CNTN6: variants seen among roughly 807,000 people sequenced by gnomAD.
CNTN6 encodes the protein contactin 6.
In CNTN6, 137 loss-of-function variants were observed where a neutral mutation model predicts 122.8. That is an observed-to-expected ratio of 1.12 (90% confidence interval 0.97 to 1.29). CNTN6 has a LOEUF of 1.29. Among genes scored for constraint, CNTN6 ranks in the 50% most tolerant of loss-of-function variants. The probability of loss-of-function intolerance (pLI) is 0.00; values close to 1 mark genes in which losing one functional copy is unlikely to be tolerated. For missense variants in CNTN6, 1,634 were observed against 1,223.4 expected (o/e 1.34, Z -5.01); for synonymous variants, 570 against 426.0 (o/e 1.34, Z -4.16).
At chr3:1,308,369 G>A (rs916968655) in intron 7 of CNTN6, among the ~76,000 whole-genome samples, 2 of 149,456 alleles carry the variant, frequency 1.3e-5, no homozygotes, top group Non-Finnish European at 3.0e-5. Flanking sequence ...GATGTTCCAG[G>A]TTCATCTTGT....
intron 1 of CNTN6, among the ~76,000 whole-genome samples, chr3:1,100,682 T>C (rs1170939459): frequency 6.6e-6 from 1 of 152,166 alleles, no homozygotes; most frequent in Non-Finnish European, 1.5e-5. Flanking sequence ...TTTCTAGTGT[T>C]GCAGTCAGTG....
intron 4 of CNTN6, among the ~76,000 whole-genome samples, chr3:1,276,009 TA>T (rs1487471895): frequency 6.6e-6 from 1 of 152,212 alleles, no homozygotes; most frequent in Non-Finnish European, 1.5e-5. Flanking sequence ...TGAATTCCTC[TA>T]AACAATACCA....
intron 7 of CNTN6, among the ~76,000 whole-genome samples, chr3:1,308,144 A>G (rs1418866364): frequency 2.0e-5 from 3 of 152,096 alleles, no homozygotes; most frequent in African/African-American, 4.8e-5. Context: ...ACTGACTCAC[A>G]TATAATTATT....
At chr3:1,401,207 G>A (rs946645000) in intron 20 of CNTN6, 1 of 445,680 alleles carries the variant, frequency 2.2e-6, no homozygotes, top group South Asian at 2.6e-5. Context: ...CATGCAGCAA[G>A]CCATTATTAA....
At chr3:1,102,968 G>A (rs552377304) in intron 1 of CNTN6, among the ~76,000 whole-genome samples, 155 of 148,790 alleles carry the variant, frequency 1.0e-3, no homozygotes, top group African/African-American at 3.6e-3. Flanking sequence ...TTAGCCGGGC[G>A]TGGTGGCGGC....
intron 2 of CNTN6, among the ~76,000 whole-genome samples, chr3:1,212,405 T>G (rs575759489): frequency 6.6e-6 from 1 of 151,882 alleles, no homozygotes; most frequent in East Asian, 1.9e-4. Flanking sequence ...TTATAATCAT[T>G]GGTGATTACA....
chr3:1,184,617 A>G (rs1282603246), intron 2 of CNTN6, among the ~76,000 whole-genome samples: 2 of 152,190 alleles, frequency 1.3e-5, no homozygotes, highest in African/African-American at 4.8e-5. Flanking sequence ...AACAAACTGA[A>G]GCCCAAATTT....
intron 3 of CNTN6, among the ~76,000 whole-genome samples, chr3:1,222,462 A>C (rs2094220226): frequency 6.6e-6 from 1 of 152,158 alleles, no homozygotes; most frequent in Non-Finnish European, 1.5e-5. Context: ...AGACAGACAC[A>C]TAAATACATA....
intron 1 of CNTN6, among the ~76,000 whole-genome samples, chr3:1,121,916 G>A (rs993866525): frequency 1.3e-5 from 2 of 151,884 alleles, no homozygotes; most frequent in East Asian, 1.9e-4. Context: ...AAGTGCTTGA[G>A]AATAAAGAAG....
intron 7 of CNTN6, among the ~76,000 whole-genome samples, chr3:1,312,231 T>C (rs921428146): frequency 6.6e-6 from 1 of 151,880 alleles, no homozygotes; most frequent in African/African-American, 2.4e-5. Flanking sequence ...TTTTGAAAAT[T>C]TTTTTTTCAA....
Position 1,192,155 on chromosome 3 carries a change from G to C in CNTN6, c.56-28532G>C, listed in dbSNP as rs114754193. Among the ~76,000 whole-genome samples, 675 of 152,170 alleles carry C rather than the reference G, an allele frequency of 4.4e-3. 6 individuals carry two copies. The highest frequency in any genetic ancestry group is 0.015 in the African/African-American group (639 of 41,512). On this transcript the variant is annotated intron_variant, in intron 2 of 22. Transcript: ENST00000446702. ...TTCTAATGGATAAGCTCATCTAGTG[G>C]ATAACAATGGGATAATATTCAAAAT... is the stretch of plus-strand genomic sequence containing the variant.
intron 12 of CNTN6, among the ~76,000 whole-genome samples, chr3:1,369,203 T>A (rs1412747275): frequency 6.6e-6 from 1 of 152,170 alleles, no homozygotes; most frequent in Non-Finnish European, 1.5e-5. Flanking sequence ...AAACAGTTCT[T>A]TCTCCATAAA....
At chr3:1,257,519 G>A (rs973769945) in intron 4 of CNTN6, among the ~76,000 whole-genome samples, 4 of 152,014 alleles carry the variant, frequency 2.6e-5, no homozygotes. Flanking sequence ...TAATGAGCCT[G>A]AGGTAAACAC....
rs1274396082 is a variant in CNTN6 at position 1,397,430 on chromosome 3, G to T, written c.2705-4003G>T. On this transcript the variant is annotated intron_variant, in intron 20 of 22. Coordinates refer to ENST00000446702, the MANE Select transcript of CNTN6 (RefSeq NM_001289080.2). Reference sequence around the variant, plus strand: ...AAACTTCTTAAGTATTATTGTTGCTGTTGATGATGATGATACTAGTATTAT... The same window carrying T: ...AAACTTCTTAAGTATTATTGTTGCTTTTGATGATGATGATACTAGTATTAT... 2.0e-5 allele frequency among the ~76,000 whole-genome samples: 3 copies of T among 152,054 alleles called. No homozygotes were observed. The East Asian group carries it at 5.8e-4, about 29-fold the overall frequency.
Position 1,383,013 on chromosome 3 carries a change from A to G in CNTN6, c.2238A>G (p.Thr746=). ...TCATGTTCCGGCCAGTGGGCTCGAC[A>G]ACCTGGTCCAAGGAGAAAGTGTCAT... The part of the protein sequence containing the change: ...YIIMFRPVGS[T]TWSKEKVSSV... Residue 746 remains threonine, a synonymous_variant, in exon 18 of 23, where the codon ACA becomes ACG. Transcript: ENST00000446702. 6.2e-7 allele frequency: 1 copy of G among 1,614,150 alleles called. No homozygotes were observed. The highest frequency in any genetic ancestry group is 2.2e-5 in the East Asian group (1 of 44,886).
chr3:1,397,947 A>G (rs551238257), intron 20 of CNTN6, among the ~76,000 whole-genome samples: 78 of 152,270 alleles, frequency 5.1e-4, no homozygotes, highest in Non-Finnish European at 1.6e-4. Context: ...AAGAAATGCC[A>G]TCTACAGAAA....
At chr3:1,338,743 A>C (rs956649095) in intron 11 of CNTN6, among the ~76,000 whole-genome samples, 1 of 152,198 alleles carries the variant, frequency 6.6e-6, no homozygotes, top group African/African-American at 2.4e-5. Flanking sequence ...TAGACAGAAA[A>C]GGTCAATTAT....
At chr3:1,386,613 T>C (rs1692985839) in intron 20 of CNTN6, among the ~76,000 whole-genome samples, 1 of 152,140 alleles carries the variant, frequency 6.6e-6, no homozygotes, top group African/African-American at 2.4e-5. Flanking sequence ...AAGATGATTT[T>C]TTTGTGGTTG....
chr3:1,316,397 G>A (rs1700103127), intron 7 of CNTN6, among the ~76,000 whole-genome samples: 1 of 151,840 alleles, frequency 6.6e-6, no homozygotes, highest in Non-Finnish European at 1.5e-5. Flanking sequence ...GGCTGGAGCA[G>A]AAGGAAGAGA....
Sources: allele counts gnomAD v4.1 joint callset (sites outside exome capture counted in the v4.1 genomes callset), GRCh38; gene constraint gnomAD v4.1.1; transcripts MANE v1.5; gene names NCBI Gene and HGNC (gene_info 2026-07-23, HGNC 2026-07-21).